HDAC9: variants seen among roughly 807,000 people sequenced by gnomAD.
HDAC9 encodes the protein histone deacetylase 9.
A neutral mutation model predicts 139.4 loss-of-function variants in HDAC9; 41 were observed. The observed-to-expected ratio is 0.29, with a 90% confidence interval of 0.23 to 0.38. The LOEUF (loss-of-function observed/expected upper bound fraction) is 0.38. HDAC9 is among the 10% of genes least tolerant of loss of function. The pLI is 1.00. For missense variants in HDAC9, 1,147 were observed against 1,297.0 expected (o/e 0.88, Z 1.78); for synonymous variants, 517 against 476.2 (o/e 1.09, Z -1.12).
At chr7:18,389,085 CT>C (rs1019077085) in intron 1 of HDAC9, among the ~76,000 whole-genome samples, 1 of 152,152 alleles carries the variant, frequency 6.6e-6, no homozygotes, top group Non-Finnish European at 1.5e-5. Flanking sequence ...TAGCTGTAGG[CT>C]TTAGTTTTAC....
intron 1 of HDAC9, among the ~76,000 whole-genome samples, chr7:18,304,342 G>C (rs2128617352): frequency 6.6e-6 from 1 of 152,308 alleles, no homozygotes; most frequent in Admixed American, 6.5e-5. Flanking sequence ...GATAGAGCCA[G>C]GTTTTTAAAA....
chr7:18,571,444 G>A (rs942596237), intron 2 of HDAC9, among the ~76,000 whole-genome samples: 16 of 152,134 alleles, frequency 1.1e-4, no homozygotes, highest in African/African-American at 3.6e-4. Flanking sequence ...CCTCCTCTCC[G>A]TCTTTTCTAA....
chr7:18,322,494 G>A (rs1800103235), intron 1 of HDAC9, among the ~76,000 whole-genome samples: 1 of 152,106 alleles, frequency 6.6e-6, no homozygotes. Context: ...TTACTTAATG[G>A]GAACGTATCA....
chr7:18,225,792 G>T (rs1793015960), intron 2 of HDAC9, among the ~76,000 whole-genome samples: 1 of 152,006 alleles, frequency 6.6e-6, no homozygotes, highest in South Asian at 2.1e-4. Context: ...GGGAAAACTT[G>T]TTCCTTGATT....
intron 12 of HDAC9, among the ~76,000 whole-genome samples, chr7:18,709,807 C>G (rs940657480): frequency 5.9e-5 from 9 of 152,150 alleles, no homozygotes; most frequent in African/African-American, 2.2e-4. Context: ...AAAGTGTTGG[C>G]ATCACAGACA....
chr7:18,155,316 G>A (rs1210157655), intron 1 of HDAC9, among the ~76,000 whole-genome samples: 1 of 152,070 alleles, frequency 6.6e-6, no homozygotes, highest in Non-Finnish European at 1.5e-5. Flanking sequence ...TGATGTAGAG[G>A]CATTTGGAAT....
chr7:18,608,497 C>A (rs1272198494), intron 6 of HDAC9, among the ~76,000 whole-genome samples: 1 of 152,116 alleles, frequency 6.6e-6, no homozygotes, highest in Non-Finnish European at 1.5e-5. Context: ...TTATTTCCCA[C>A]TTATTCATAT....
chr7:18,282,270 G>A (rs1797154687), intron 2 of HDAC9, among the ~76,000 whole-genome samples: 1 of 152,132 alleles, frequency 6.6e-6, no homozygotes, highest in Non-Finnish European at 1.5e-5. Flanking sequence ...AATATTCACA[G>A]CAATTCTATG....
chr7:18,584,210 G>A (rs534234576), intron 2 of HDAC9, among the ~76,000 whole-genome samples: 38 of 135,202 alleles, frequency 2.8e-4, no homozygotes, highest in South Asian at 1.9e-3. Flanking sequence ...GCGAGATCTC[G>A]GCTCACTGCA....
In HDAC9 at chr7:18,942,500, A is replaced by G. The variant is rs551591145; in HGVS notation, c.2937+6558A>G. 5.9e-5 allele frequency among the ~76,000 whole-genome samples: 9 copies of G among 152,220 alleles called. No individual in the cohort carries two copies. In the South Asian group the frequency reaches 1.9e-3, roughly 31 times the overall value. On this transcript the variant is annotated intron_variant, in intron 23 of 25. Coordinates refer to ENST00000686413, the MANE Select transcript of HDAC9 (RefSeq NM_178425.4). Reference sequence around the variant, plus strand: ...AAATATGGAAGCTTTGAATAAATGAATCCCAAGCTTTGGTGTAAAACAACA... The same window carrying G: ...AAATATGGAAGCTTTGAATAAATGAGTCCCAAGCTTTGGTGTAAAACAACA...
chr7:18,099,961 TG>T (rs996721007), intron 1 of HDAC9, among the ~76,000 whole-genome samples: 5 of 152,218 alleles, frequency 3.3e-5, no homozygotes, highest in African/African-American at 7.2e-5. Flanking sequence ...GATTTTCCTC[TG>T]ATATCCTCTT....
At chr7:18,718,307 C>G (rs1432163741) in intron 12 of HDAC9, among the ~76,000 whole-genome samples, 1 of 152,174 alleles carries the variant, frequency 6.6e-6, no homozygotes, top group Non-Finnish European at 1.5e-5. Context: ...TGTTGGCTCA[C>G]TGCAATCTCC....
At chr7:18,796,493 T>C (rs1254115627) in intron 17 of HDAC9, among the ~76,000 whole-genome samples, 3 of 152,248 alleles carry the variant, frequency 2.0e-5, no homozygotes, top group African/African-American at 7.2e-5. Context: ...GTATATTTTT[T>C]GGCACAGCAT....
At chr7:18,236,398 A>G (rs112351962) in intron 2 of HDAC9, among the ~76,000 whole-genome samples, 32 of 152,342 alleles carry the variant, frequency 2.1e-4, no homozygotes, top group African/African-American at 7.7e-4. Flanking sequence ...AGAAGGCATG[A>G]GTGTCTTATT....
chr7:18,623,664 C>G (rs924776419), intron 6 of HDAC9, among the ~76,000 whole-genome samples: 2 of 152,168 alleles, frequency 1.3e-5, no homozygotes, highest in East Asian at 1.9e-4. Context: ...GCATTGGTGG[C>G]TGGGTGCAGT....
At chr7:18,909,459 C>G (rs1235190388) in intron 22 of HDAC9, among the ~76,000 whole-genome samples, 1 of 151,832 alleles carries the variant, frequency 6.6e-6, no homozygotes, top group Non-Finnish European at 1.5e-5. Flanking sequence ...CCATAAAGTT[C>G]TTGCCCAGCT....
intron 1 of HDAC9, among the ~76,000 whole-genome samples, chr7:18,100,202 C>T (rs1161168294): frequency 2.0e-5 from 3 of 151,812 alleles, no homozygotes; most frequent in African/African-American, 7.3e-5. Flanking sequence ...TTTTGTTCTC[C>T]TTTATAGATA....
intron 14 of HDAC9, among the ~76,000 whole-genome samples, chr7:18,755,092 C>A (rs529140301): frequency 6.6e-6 from 1 of 152,186 alleles, no homozygotes; most frequent in East Asian, 1.9e-4. Context: ...CAGAGAGAAA[C>A]TCAAACAGGG....
intron 6 of HDAC9, among the ~76,000 whole-genome samples, chr7:18,619,424 G>C (rs1237375602): frequency 6.6e-6 from 1 of 152,176 alleles, no homozygotes; most frequent in African/African-American, 2.4e-5. Flanking sequence ...TTCTTGCTAA[G>C]TACTGGAAAT....
Sources: allele counts gnomAD v4.1 joint callset (sites outside exome capture counted in the v4.1 genomes callset), GRCh38; gene constraint gnomAD v4.1.1; transcripts MANE v1.5; gene names NCBI Gene and HGNC (gene_info 2026-07-23, HGNC 2026-07-21).